PAFAH1B1: variants seen among roughly 807,000 people sequenced by gnomAD.
PAFAH1B1 encodes the protein platelet-activating factor acetylhydrolase IB subunit beta.
A neutral mutation model predicts 57.5 loss-of-function variants in PAFAH1B1; 2 were observed. The observed-to-expected ratio is 0.03, with a 90% CI of 0.01 to 0.11. PAFAH1B1 has a LOEUF of 0.11. Among genes scored for constraint, PAFAH1B1 ranks in the 10% least tolerant of loss-of-function variants. The probability of loss-of-function intolerance (pLI) is 1.00; values close to 1 mark genes in which losing one functional copy is unlikely to be tolerated. For synonymous variants in PAFAH1B1, 152 were observed against 169.6 expected (o/e 0.90, Z 0.81); for missense variants, 257 against 512.0 (o/e 0.50, Z 4.81).
At position 2,680,242 on chromosome 17, in the gene PAFAH1B1, A is replaced by T. The variant is rs1272529010; in HGVS notation, c.1081A>T (p.Thr361Ser). ...TATTTTGAGTTGTGCTGATGACAAG[A>T]CCCTACGCGTATGGGATTACAAGAA... ...KFILSCADDK[T>S]LRVWDYKNKR... is the part of the protein sequence containing the mutation. Residue 361 changes from threonine to serine, a missense_variant, in exon 10 of 11, where the codon ACC becomes TCC. By Grantham distance (58) the Thr-to-Ser change is moderately conservative. Transcript: ENST00000397195. The T allele has an allele frequency of 6.2e-7, 1 of 1,613,468 alleles. No homozygotes were observed. Among genetic ancestry groups the T allele is most frequent in the African/African-American group, 1.3e-5 (1 of 74,978 alleles).
chr17:2,609,501 A>G (rs2068242349), intron 1 of PAFAH1B1: 1 of 151,838 alleles, frequency 6.6e-6, no homozygotes, highest in South Asian at 2.1e-4. Context: ...AAAAGAGCAT[A>G]TTTTTCTGGA....
chr17:2,678,500 A>C (rs547280648), intron 9 of PAFAH1B1, among the ~76,000 whole-genome samples: 6 of 151,544 alleles, frequency 4.0e-5, no homozygotes, highest in African/African-American at 1.5e-4. Flanking sequence ...TGGGAGACGG[A>C]GGTTGCAGTG....
chr17:2,606,988 CTAA>C, intron 1 of PAFAH1B1, among the ~76,000 whole-genome samples: 1 of 151,234 alleles, frequency 6.6e-6, no homozygotes, highest in Non-Finnish European at 1.5e-5. Context: ...CCACGCCTGG[CTAA>C]CTTTTTGTAT....
intron 1 of PAFAH1B1, among the ~76,000 whole-genome samples, chr17:2,602,523 G>C (rs1002127200): frequency 5.9e-5 from 9 of 152,062 alleles, no homozygotes; most frequent in African/African-American, 2.2e-4. Flanking sequence ...TATTTGTTGA[G>C]TTAGTCCCCT....
At chr17:2,620,290 A>G (rs903853951) in intron 1 of PAFAH1B1, among the ~76,000 whole-genome samples, 2 of 152,220 alleles carry the variant, frequency 1.3e-5, no homozygotes, top group African/African-American at 4.8e-5. Context: ...TTGTAACTGT[A>G]ACATTCACCT....
At chr17:2,668,198 C>T (rs1015224647) in intron 5 of PAFAH1B1, among the ~76,000 whole-genome samples, 9 of 151,738 alleles carry the variant, frequency 5.9e-5, no homozygotes, top group East Asian at 1.9e-4. Flanking sequence ...TGGCAGCGTG[C>T]GCCTGTAGTC....
intron 2 of PAFAH1B1, chr17:2,640,118 C>T (rs1471055878): frequency 6.6e-6 from 1 of 152,116 alleles, no homozygotes; most frequent in Non-Finnish European, 1.5e-5. Context: ...GAGTAAGTTG[C>T]ATATATCAAA....
In PAFAH1B1 at chr17:2,667,037, A is replaced by T; in HGVS notation, c.238A>T (p.Thr80Ser). 6.2e-7 allele frequency: 1 copy of T among 1,614,052 alleles called. No homozygotes were observed. The highest frequency in any genetic ancestry group is 8.5e-7 in the Non-Finnish European group (1 of 1,179,914). ...GCTAAATGAAGCAAAAGAAGAATTT[A>T]CGTCAGGTGGACCTCTTGGTCAGAA... ...SKLNEAKEEFTSGGPLGQKRD... is the reference protein window; with the variant it reads ...SKLNEAKEEFSSGGPLGQKRD... The change falls in exon 5 of 11, where the codon ACG (threonine) becomes TCG (serine). Residue 80 changes from threonine to serine, a missense_variant. By Grantham distance (58) the Thr-to-Ser change is moderately conservative. Transcript: ENST00000397195.
chr17:2,658,496 C>T (rs2068968291), intron 2 of PAFAH1B1, among the ~76,000 whole-genome samples: 1 of 152,098 alleles, frequency 6.6e-6, no homozygotes, highest in African/African-American at 2.4e-5. Context: ...GTGTGATATA[C>T]TTAACTGGTA....
intron 10 of PAFAH1B1, chr17:2,680,947 A>C (rs538540320): frequency 1.8e-5 from 3 of 164,316 alleles, no homozygotes; most frequent in Non-Finnish European, 4.0e-5. Flanking sequence ...GTTAGATTTG[A>C]GCCCTGCTGT....
At chr17:2,673,862 GATTTT>G (rs1449662666) in intron 7 of PAFAH1B1, 193 bp from the exon 8 acceptor site, 3 of 563,276 alleles carry the variant, frequency 5.3e-6, no homozygotes, top group East Asian at 5.8e-5. Flanking sequence ...TCTAGATGTT[GATTTT>G]ATTAGCTCCT....
rs912538084 is a variant in PAFAH1B1, at chr17:2,684,025, A to T, written c.*2223A>T. ...AAGCAAGCGTGTCTTCCCCTGCAGCACACAGCGACTTGCGTTGACAAAGGA... is the reference window on the plus strand; with the variant it reads ...AAGCAAGCGTGTCTTCCCCTGCAGCTCACAGCGACTTGCGTTGACAAAGGA... On this transcript the variant is annotated 3_prime_UTR_variant, in exon 11 of 11. Coordinates refer to ENST00000397195, the MANE Select transcript of PAFAH1B1 (RefSeq NM_000430.4). 1 of 152,702 alleles carries T rather than the reference A, an allele frequency of 6.5e-6. No individual in the cohort carries two copies. Among genetic ancestry groups the T allele is most frequent in the Non-Finnish European group, 1.5e-5 (1 of 68,046 alleles). The allele number at this position is 152,702 out of a possible 1,614,324, so 9.5% of individuals were successfully genotyped here.
rs539355598 is a variant in PAFAH1B1, at chr17:2,626,643, C to T, written c.-190-11456C>T. Reference sequence around the variant, plus strand: ...GATCTTGGCTCACTGCAACCTCTGACTCCCTGGTTCAAGCAATTCAACTGC... The same window carrying T: ...GATCTTGGCTCACTGCAACCTCTGATTCCCTGGTTCAAGCAATTCAACTGC... On this transcript the variant is annotated intron_variant, in intron 1 of 10. Transcript: ENST00000397195. Among the ~76,000 whole-genome samples, 272 of 146,722 alleles carry T rather than the reference C, an allele frequency of 1.9e-3. 1 individual carries two copies. The highest frequency in any genetic ancestry group is 6.4e-3 in the African/African-American group (256 of 40,280).
chr17:2,630,745 T>G (rs1211692790), intron 1 of PAFAH1B1, among the ~76,000 whole-genome samples: 1 of 152,222 alleles, frequency 6.6e-6, no homozygotes, highest in Admixed American at 6.5e-5. Context: ...GAACACTGAT[T>G]ATTCTTAGGT....
At chr17:2,644,989 A>G (rs2151639673) in intron 2 of PAFAH1B1, among the ~76,000 whole-genome samples, 1 of 152,274 alleles carries the variant, frequency 6.6e-6, no homozygotes. Context: ...ACTCACACCT[A>G]TAATCCCAGC....
chr17:2,655,687 G>A (rs561807380), intron 2 of PAFAH1B1, among the ~76,000 whole-genome samples: 15 of 151,828 alleles, frequency 9.9e-5, no homozygotes, highest in Non-Finnish European at 2.1e-4. Context: ...AGATTCTTTT[G>A]TAGTTGCTAC....
At chr17:2,678,579 G>A (rs550328190) in intron 9 of PAFAH1B1, among the ~76,000 whole-genome samples, 2,173 of 151,174 alleles carry the variant, frequency 0.014, 65 homozygotes, top group African/African-American at 0.051. Flanking sequence ...GAAAAAAAAA[G>A]AAAAGAAACA....
intron 5 of PAFAH1B1, among the ~76,000 whole-genome samples, chr17:2,668,584 T>G (rs1042433768): frequency 1.3e-5 from 2 of 151,388 alleles, no homozygotes; most frequent in Non-Finnish European, 2.9e-5. Context: ...GAGGCTGAGA[T>G]GGGAGGATCA....
At chr17:2,602,135 TA>T (rs910876419) in intron 1 of PAFAH1B1, among the ~76,000 whole-genome samples, 3 of 150,682 alleles carry the variant, frequency 2.0e-5, no homozygotes, top group Non-Finnish European at 4.4e-5. Flanking sequence ...AACGTAAAGA[TA>T]AAAAAAAACC....
Sources: allele counts gnomAD v4.1 joint callset (sites outside exome capture counted in the v4.1 genomes callset), GRCh38; gene constraint gnomAD v4.1.1; transcripts MANE v1.5; gene names NCBI Gene and HGNC (gene_info 2026-07-23, HGNC 2026-07-21).